The following SPOCD1 variants were observed in gnomAD, a reference collection of about 807,000 sequenced individuals.
SPOCD1 encodes SPOC domain containing 1, also known as SPOC domain-containing protein 1.
In SPOCD1, 64 loss-of-function variants were observed where a neutral mutation model predicts 92.2. The observed-to-expected ratio is 0.69, with a 90% CI of 0.57 to 0.86. The LOEUF (loss-of-function observed/expected upper bound fraction) is 0.86. Ranked by LOEUF, SPOCD1 falls within the 40% of genes least tolerant of loss-of-function variation. The pLI, the probability that SPOCD1 is intolerant of heterozygous loss-of-function variation, is 0.00. For missense variants in SPOCD1, 1,360 were observed against 1,543.1 expected (o/e 0.88, Z 1.99); for synonymous variants, 578 against 619.3 (o/e 0.93, Z 0.99).
chr1:31,800,762 C>A, intron 3 of SPOCD1, 145 bp from the exon 4 acceptor site: 1 of 713,734 alleles, frequency 1.4e-6, no homozygotes, highest in Non-Finnish European at 2.2e-6. Context: ...CTGTCCTGGT[C>A]CCCGCTGTAT....
chr1:31,800,202 C>A, intron 4 of SPOCD1, 61 bp from the exon 5 acceptor site: 1 of 1,526,330 alleles, frequency 6.6e-7, no homozygotes, highest in South Asian at 1.3e-5. Context: ...TGTTCCCTCC[C>A]CAGATGTACT....
At position 31,814,080 on chromosome 1, in the gene SPOCD1, TC is replaced by T. The variant is rs1649376772; in HGVS notation, c.1253del (p.Arg418AsnfsTer8). On this transcript the variant is annotated frameshift_variant, in exon 2 of 16. Transcript: ENST00000360482. LOFTEE classifies it high-confidence loss of function. The surrounding 1 kb of genome is among the most constrained non-coding windows in gnomAD (Gnocchi z 4.2). ...TCTTCAGGTTCTTAGTGCCCTTGGATCTTCTCTGCTCCATGAATGGGCCTGA... is the reference window on the plus strand; with the variant it reads ...TCTTCAGGTTCTTAGTGCCCTTGGATTTCTCTGCTCCATGAATGGGCCTGA... Reference protein sequence around the residue: ...ACSGPFMEQRRSKGTKNLKKG... With the variant: ...ACSGPFMEQRXSKGTKNLKKG... The T allele has an allele frequency of 6.2e-7, 1 of 1,613,546 alleles. No homozygotes were observed. The highest frequency in any genetic ancestry group is 8.5e-7 in the Non-Finnish European group (1 of 1,179,774).
In SPOCD1 at chr1:31,792,252, CT is replaced by C; in HGVS notation, c.2924del (p.Gln975ArgfsTer85). The C allele has an allele frequency of 6.2e-7, 1 of 1,612,096 alleles. No individual in the cohort carries two copies. Among genetic ancestry groups the C allele is most frequent in the Non-Finnish European group, 8.5e-7 (1 of 1,179,206 alleles). ...GMVLLPLPAF[Q>X]PLPTRLRPLG... is the part of the protein sequence containing the mutation. ...AAGGGCGCAGCCTGGTGGGCAGGGG[CT>C]GGAAGGCAGGCAGGGGCAGCAGGAC... On this transcript the variant is annotated frameshift_variant, in exon 15 of 16. Coordinates refer to ENST00000360482, the MANE Select transcript of SPOCD1 (RefSeq NM_144569.7). LOFTEE classifies it low-confidence loss of function (END_TRUNC).
chr1:31,795,989 G>A (rs562031674), intron 10 of SPOCD1: 7 of 158,352 alleles, frequency 4.4e-5, no homozygotes, highest in Admixed American at 6.0e-5. Flanking sequence ...TGGGGCTGCT[G>A]AGCCACCATG....
In SPOCD1 at chr1:31,790,690, A is replaced by G; in HGVS notation, c.3564T>C (p.Ala1188=). The change falls in exon 16 of 16, where the codon GCT becomes GCC. Residue 1188 remains alanine (A), a synonymous_variant. Transcript: ENST00000360482. Reference sequence around the variant, plus strand: ...CACGGGCTGGGCCAGGGGGCTCTGGAGCTGCAAGGGCGCTAGACAAACGCT... The same window carrying G: ...CACGGGCTGGGCCAGGGGGCTCTGGGGCTGCAAGGGCGCTAGACAAACGCT... ...PLQRLSSALA[A]PEPPGPARDS... 6.4e-7 allele frequency: 1 copy of G among 1,551,836 alleles called. No homozygotes were observed. The highest frequency in any genetic ancestry group is 1.2e-5 in the South Asian group (1 of 84,066).
chr1:31,809,542 CA>C (rs1276473079), intron 2 of SPOCD1, among the ~76,000 whole-genome samples: 4 of 151,486 alleles, frequency 2.6e-5, no homozygotes, highest in Non-Finnish European at 5.9e-5. Flanking sequence ...AAAAAAACAC[CA>C]AAAAACCCAA....
intron 13 of SPOCD1, 87 bp downstream of exon 13, chr1:31,793,191 A>C: frequency 6.9e-7 from 1 of 1,445,848 alleles, no homozygotes; most frequent in Non-Finnish European, 9.3e-7. Flanking sequence ...ATTGTTTTAG[A>C]ATGCATGAGT....
chr1:31,801,616 C>T (rs765660716), intron 3 of SPOCD1, 48 bp downstream of exon 3: 2 of 1,590,096 alleles, frequency 1.3e-6, no homozygotes, highest in Non-Finnish European at 1.7e-6. Context: ...CTCCACCCCA[C>T]CTGAGGCAAG....
At chr1:31,795,368 C>G (rs1295427617) in intron 10 of SPOCD1, 1 of 152,232 alleles carries the variant, frequency 6.6e-6, no homozygotes, top group Admixed American at 6.5e-5. Flanking sequence ...GTGCCAGGTT[C>G]CTCATCCCAG....
intron 2 of SPOCD1, among the ~76,000 whole-genome samples, chr1:31,804,097 G>A (rs907837310): frequency 6.6e-6 from 1 of 152,134 alleles, no homozygotes; most frequent in Non-Finnish European, 1.5e-5. Context: ...TCATGATAAG[G>A]AGATCCTTAC....
intron 3 of SPOCD1, 27 bp downstream of exon 3, chr1:31,801,637 A>G (rs1266485431): frequency 6.2e-7 from 1 of 1,610,750 alleles, no homozygotes; most frequent in South Asian, 1.1e-5. Flanking sequence ...GGAGAAAGAA[A>G]AGCAATAATA....
chr1:31,805,084 C>T (rs1401257125), intron 2 of SPOCD1, among the ~76,000 whole-genome samples: 1 of 150,434 alleles, frequency 6.6e-6, no homozygotes, highest in African/African-American at 2.5e-5. Context: ...CGGGTTCAAG[C>T]GATTCTCCTG....
intron 2 of SPOCD1, among the ~76,000 whole-genome samples, chr1:31,803,922 G>A (rs1264014700): frequency 6.6e-6 from 1 of 152,038 alleles, no homozygotes; most frequent in Non-Finnish European, 1.5e-5. Flanking sequence ...TTAATCTAAA[G>A]TTCCAGAAGG....
intron 13 of SPOCD1, 53 bp downstream of exon 13, chr1:31,793,225 T>C: frequency 6.6e-7 from 1 of 1,520,122 alleles, no homozygotes; most frequent in Non-Finnish European, 8.9e-7. Flanking sequence ...AGAGAGAGGC[T>C]GCCTGGGCTG....
intron 1 of SPOCD1, 56 bp from the exon 2 acceptor site, chr1:31,815,428 G>A (rs549428020): frequency 1.1e-5 from 14 of 1,292,498 alleles, no homozygotes; most frequent in African/African-American, 4.4e-5. Flanking sequence ...CTGTCAGCCC[G>A]TTCAGTGGGA....
At chr1:31,794,002 G>A in intron 11 of SPOCD1, 105 bp from the exon 12 acceptor site, 1 of 1,515,862 alleles carries the variant, frequency 6.6e-7, no homozygotes, top group Non-Finnish European at 9.0e-7. Context: ...TAGGTGACCT[G>A]GGGCACGGGC....
In SPOCD1 at chr1:31,814,853, A is replaced by G. The variant is rs200547298; in HGVS notation, c.481T>C (p.Cys161Arg). ...TCTCTGGCCTCCCTGGGCCTGAGGC[A>G]GCTCACCTCCTCCACTCCTGCAAGC... ...ERLAGVEEVS[C>R]LRPREARDGG... Residue 161 changes from cysteine (C) to arginine (R), a missense_variant, in exon 2 of 16, where the codon TGC (cysteine) becomes CGC (arginine). By Grantham distance (180) the Cys-to-Arg change is radical (BLOSUM62 -3). Around this residue, in one of 3 missense-constraint regions of SPOCD1, gnomAD observed 606 missense variants for 601.5 expected, o/e 1.01. Transcript: ENST00000360482. This position sits in a 1 kb window ranked among gnomAD's most constrained non-coding sequence, Gnocchi z 4.2. 1.2e-6 allele frequency: 2 copies of G among 1,613,228 alleles called. No individual in the cohort carries two copies. Among genetic ancestry groups the G allele is most frequent in the Non-Finnish European group, 1.7e-6 (2 of 1,179,800 alleles).
chr1:31,812,718 C>T (rs1258224446), intron 2 of SPOCD1, among the ~76,000 whole-genome samples: 1 of 152,172 alleles, frequency 6.6e-6, no homozygotes, highest in Non-Finnish European at 1.5e-5. Context: ...CAATATCCAG[C>T]ACATGTTAAG....
rs1457301260 is a variant in SPOCD1 at position 31,798,279 on chromosome 1, G to A, written c.2073C>T (p.Asp691=). ...KVVHGDVTPY[D]LVRMSSMQLA... is the part of the protein sequence containing the mutation. ...GCTGCATCGAGCTCATCCGCACCAG[G>A]TCGTAGGGGGTGACATCTCCATGAA... Residue 691 remains aspartate, a synonymous_variant, in exon 9 of 16, where the codon GAC becomes GAT. Coordinates refer to ENST00000360482, the MANE Select transcript of SPOCD1 (RefSeq NM_144569.7). This position sits in a 1 kb window ranked among gnomAD's most constrained non-coding sequence, Gnocchi z 4.1. 6.2e-7 allele frequency: 1 copy of A among 1,613,914 alleles called. No individual in the cohort carries two copies. Among genetic ancestry groups the A allele is most frequent in the Admixed American group, 1.7e-5 (1 of 60,006 alleles).
Sources: allele counts gnomAD v4.1 joint callset (sites outside exome capture counted in the v4.1 genomes callset), GRCh38; gene constraint gnomAD v4.1.1; regional missense constraint gnomAD v4.1.1; non-coding constraint Gnocchi (gnomAD v3.1); transcripts MANE v1.5; gene names NCBI Gene and HGNC (gene_info 2026-07-23, HGNC 2026-07-21).